The following ZYG11A variants were observed in gnomAD, a reference collection of about 807,000 sequenced individuals.
The protein encoded by ZYG11A is protein zyg-11 homolog A.
ZYG11A carries 62 observed loss-of-function variants against 77.2 expected under a neutral mutation model. That is an observed-to-expected ratio of 0.80 (90% CI 0.65 to 0.99). ZYG11A has a LOEUF of 0.99. Among genes scored for constraint, ZYG11A ranks in the 50% least tolerant of loss-of-function variants. The pLI, the probability that ZYG11A is intolerant of heterozygous loss-of-function variation, is 0.00. For missense variants in ZYG11A, 828 were observed against 896.8 expected (o/e 0.92, Z 0.98); for synonymous variants, 315 against 324.6 (o/e 0.97, Z 0.32).
chr1:52,861,581 A>G (rs779275482), intron 4 of ZYG11A, among the ~76,000 whole-genome samples: 18 of 152,166 alleles, frequency 1.2e-4, no homozygotes, highest in Non-Finnish European at 2.5e-4. Context: ...GCGCACTCCT[A>G]TAGTCCCAGC....
chr1:52,885,944 T>A (rs1211766317), intron 12 of ZYG11A, 50 bp downstream of exon 12: 1 of 1,402,464 alleles, frequency 7.1e-7, no homozygotes. Flanking sequence ...TTCTTTTTTT[T>A]ATTTTTGAGA....
Position 52,854,602 on chromosome 1 carries a change from G to T in ZYG11A, c.228G>T (p.Glu76Asp), listed in dbSNP as rs480299. 982,091 of 1,543,026 alleles carry T rather than the reference G, an allele frequency of 0.64. 320,113 individuals carry two copies. The highest frequency in any genetic ancestry group is 0.86 in the African/African-American group (62,549 of 73,010). The change falls in exon 2 of 14, where the codon GAG becomes GAT. Residue 76 changes from glutamate (E) to aspartate (D), a missense_variant. Physicochemically the swap from Glu to Asp is conservative, Grantham distance 45. Coordinates refer to ENST00000371528, the MANE Select transcript of ZYG11A (RefSeq NM_001004339.3). ...EHWSFPQEVAERFLRVMTWQG... is the reference protein window; with the variant it reads ...EHWSFPQEVADRFLRVMTWQG... ...GGAGTTTCCCTCAGGAAGTAGCCGA[G>T]CGATTTCTCAGGGTGATGACTTGGC...
chr1:52,891,543 AGT>A (rs1646543626), intron 13 of ZYG11A, among the ~76,000 whole-genome samples: 1 of 151,854 alleles, frequency 6.6e-6, no homozygotes, highest in Non-Finnish European at 1.5e-5. Flanking sequence ...ATATTCAGGT[AGT>A]GTAAACTCAA....
chr1:52,853,267 T>G (rs1645747960), intron 1 of ZYG11A, among the ~76,000 whole-genome samples: 1 of 152,226 alleles, frequency 6.6e-6, no homozygotes, highest in South Asian at 2.1e-4. Context: ...GTTTCTACTT[T>G]ATACCGTTGT....
intron 13 of ZYG11A, among the ~76,000 whole-genome samples, chr1:52,892,186 A>C (rs750915982): frequency 1.4e-5 from 1 of 70,630 alleles, no homozygotes; most frequent in Non-Finnish European, 2.7e-5. Context: ...GGCGTGAGCC[A>C]CTGCGCCCAG....
rs534720068 is a variant in ZYG11A at position 52,845,296 on chromosome 1, A to G, written c.90+2323A>G. Among the ~76,000 whole-genome samples the G allele has an allele frequency of 2.4e-4, 35 of 145,830 alleles. No homozygotes were observed. In the South Asian group the frequency reaches 3.5e-3, roughly 15 times the overall value. The stretch of plus-strand genomic sequence containing the variant: ...GCAATCTTGCATTTGTATGTAGCCT[A>G]ATGGTCTGTGCTTTTTTTTTTTTTT... On this transcript the variant is annotated intron_variant, in intron 1 of 13. Transcript: ENST00000371528.
intron 8 of ZYG11A, among the ~76,000 whole-genome samples, chr1:52,868,878 C>CA (rs959351286): frequency 2.0e-5 from 3 of 151,710 alleles, no homozygotes; most frequent in African/African-American, 7.3e-5. Context: ...TCTCGTTGCT[C>CA]ATGCTAGCGT....
At chr1:52,887,448 A>G (rs1646471161) in intron 13 of ZYG11A, among the ~76,000 whole-genome samples, 1 of 152,000 alleles carries the variant, frequency 6.6e-6, no homozygotes, top group Admixed American at 6.6e-5. Flanking sequence ...TTTTCACTCA[A>G]CAGTTTATTG....
chr1:52,865,449 C>T (rs1038543776), intron 5 of ZYG11A, among the ~76,000 whole-genome samples: 3 of 152,102 alleles, frequency 2.0e-5, no homozygotes, highest in Non-Finnish European at 4.4e-5. Flanking sequence ...CATAAACTAC[C>T]TAGTCATTCC....
chr1:52,864,655 C>A (rs940369780), intron 5 of ZYG11A, among the ~76,000 whole-genome samples: 3 of 151,562 alleles, frequency 2.0e-5, no homozygotes, highest in African/African-American at 7.3e-5. Context: ...CTAAAATTTT[C>A]TTTTTTTTGA....
intron 8 of ZYG11A, among the ~76,000 whole-genome samples, chr1:52,874,791 C>T (rs886451384): frequency 1.2e-4 from 18 of 152,076 alleles, no homozygotes; most frequent in Admixed American, 9.2e-4. Flanking sequence ...CCCTTGAACC[C>T]GGGAGGTGGA....
intron 4 of ZYG11A, among the ~76,000 whole-genome samples, chr1:52,861,974 G>GCTGAGGTGGACAGATCAC (rs1244825536): frequency 6.6e-6 from 1 of 151,990 alleles, no homozygotes; most frequent in Non-Finnish European, 1.5e-5. Context: ...TTTTTGGGAG[G>GCTGAGGTGGACAGATCAC]CTGAGGTGGA....
intron 8 of ZYG11A, among the ~76,000 whole-genome samples, chr1:52,877,227 C>G (rs1386152502): frequency 6.6e-6 from 1 of 152,108 alleles, no homozygotes; most frequent in African/African-American, 2.4e-5. Context: ...TGGAGGCTTC[C>G]CTCTCCTACC....
At chr1:52,856,897 TA>T in intron 2 of ZYG11A, 100 bp from the exon 3 acceptor site, 1 of 1,244,952 alleles carries the variant, frequency 8.0e-7, no homozygotes, top group East Asian at 2.6e-5. Flanking sequence ...ATGTTGTCAT[TA>T]TTGTTATTAT....
intron 1 of ZYG11A, among the ~76,000 whole-genome samples, chr1:52,849,210 C>T (rs1645657063): frequency 6.6e-6 from 1 of 150,500 alleles, no homozygotes; most frequent in African/African-American, 2.5e-5. Context: ...ATTGGGATTA[C>T]AGGCGCGTGC....
intron 8 of ZYG11A, among the ~76,000 whole-genome samples, chr1:52,869,482 A>G (rs903901036): frequency 3.3e-5 from 5 of 151,730 alleles, no homozygotes; most frequent in African/African-American, 1.2e-4. Flanking sequence ...TCTGTTTAGC[A>G]AAGCACATCT....
chr1:52,861,004 A>G, intron 4 of ZYG11A, 133 bp downstream of exon 4: 1 of 863,552 alleles, frequency 1.2e-6, no homozygotes, highest in South Asian at 2.0e-5. Context: ...TAGAGCAAAG[A>G]ATGTTAAGCT....
rs374872221 is a variant in ZYG11A at position 52,869,483 on chromosome 1, A to G, written c.1542+1706A>G. 4.5e-4 allele frequency among the ~76,000 whole-genome samples: 68 copies of G among 151,780 alleles called. No homozygotes were observed. In the East Asian group the frequency reaches 0.01, roughly 23 times the overall value. On this transcript the variant is annotated intron_variant, in intron 8 of 13. Coordinates refer to ENST00000371528, the MANE Select transcript of ZYG11A (RefSeq NM_001004339.3). Reference sequence around the variant, plus strand: ...GCTGCCTTCAAGCTTCTGTTTAGCAAAGCACATCTTGCACCGCCCTTAATC... The same window carrying G: ...GCTGCCTTCAAGCTTCTGTTTAGCAGAGCACATCTTGCACCGCCCTTAATC...
At chr1:52,878,021 C>A in intron 10 of ZYG11A, 52 bp downstream of exon 10, 6 of 1,448,090 alleles carry the variant, frequency 4.1e-6, no homozygotes, top group Non-Finnish European at 5.7e-6. Context: ...CAAAACCTAA[C>A]ACTTATATAG....
Sources: gnomAD v4.1 joint callset for allele counts (sites outside exome capture counted in the v4.1 genomes callset) on GRCh38, gnomAD v4.1.1 for gene constraint, MANE v1.5 for transcripts, NCBI Gene and HGNC (gene_info 2026-07-23, HGNC 2026-07-21) for gene names.